ALG14: variants seen among roughly 807,000 people sequenced by gnomAD.
ALG14 encodes UDP-N-acetylglucosamine transferase subunit ALG14.
A neutral mutation model predicts 22.8 loss-of-function variants in ALG14; 17 were observed. That is an observed-to-expected ratio of 0.75 (90% CI 0.51 to 1.12). The LOEUF is 1.12. ALG14 is among the 50% of genes most tolerant of loss of function. The pLI is 0.00. For synonymous variants in ALG14, 89 were observed against 103.7 expected (o/e 0.86, Z 0.86); for missense variants, 288 against 271.8 (o/e 1.06, Z -0.42).
intron 2 of ALG14, among the ~76,000 whole-genome samples, chr1:95,038,007 T>C (rs945747470): frequency 2.0e-5 from 3 of 152,142 alleles, no homozygotes; most frequent in African/African-American, 7.2e-5. Flanking sequence ...ATAACTATAA[T>C]ATGAGACAAT....
intron 3 of ALG14, among the ~76,000 whole-genome samples, chr1:94,998,253 T>C (rs1291980566): frequency 2.6e-5 from 4 of 152,214 alleles, no homozygotes; most frequent in Non-Finnish European, 5.9e-5. Context: ...GTAAGTGCCA[T>C]GTAGCCTTCT....
intron 3 of ALG14, among the ~76,000 whole-genome samples, chr1:95,023,792 C>G (rs921706545): frequency 1.4e-4 from 22 of 152,086 alleles, no homozygotes; most frequent in African/African-American, 5.3e-4. Context: ...CTTTGGAAAC[C>G]CTCCTGGTTT....
chr1:95,009,053 C>A (rs1673292923), intron 3 of ALG14, among the ~76,000 whole-genome samples: 1 of 152,038 alleles, frequency 6.6e-6, no homozygotes, highest in Admixed American at 6.6e-5. Flanking sequence ...TGTTTCTCCA[C>A]ATCTGTTGAT....
At chr1:95,026,349 A>G (rs1050065919) in intron 3 of ALG14, among the ~76,000 whole-genome samples, 1 of 152,316 alleles carries the variant, frequency 6.6e-6, no homozygotes, top group African/African-American at 2.4e-5. Context: ...GTGATTTAAA[A>G]TGTGAAACAT....
At chr1:95,045,020 A>C (rs1303048379) in intron 2 of ALG14, among the ~76,000 whole-genome samples, 1 of 152,050 alleles carries the variant, frequency 6.6e-6, no homozygotes, top group Non-Finnish European at 1.5e-5. Flanking sequence ...AGATTTCACT[A>C]TTGGGCCCAT....
intron 2 of ALG14, among the ~76,000 whole-genome samples, chr1:95,032,188 AT>A (rs1435526438): frequency 5.3e-5 from 8 of 151,890 alleles, no homozygotes; most frequent in Non-Finnish European, 8.8e-5. Context: ...AAAAAAAAAA[AT>A]TTTATTGAAT....
chr1:95,037,800 T>C (rs1028901252), intron 2 of ALG14, among the ~76,000 whole-genome samples: 2 of 152,186 alleles, frequency 1.3e-5, no homozygotes, highest in Non-Finnish European at 2.9e-5. Context: ...TATGAAACAA[T>C]TGTTTACGAC....
intron 3 of ALG14, among the ~76,000 whole-genome samples, chr1:95,019,451 A>G (rs145372688): frequency 1.3e-5 from 2 of 152,296 alleles, no homozygotes; most frequent in East Asian, 3.9e-4. Flanking sequence ...AAGCCATAAT[A>G]GTATTTGAAA....
chr1:94,987,955 A>G (rs1423314387), intron 3 of ALG14, among the ~76,000 whole-genome samples: 1 of 152,218 alleles, frequency 6.6e-6, no homozygotes, highest in Non-Finnish European at 1.5e-5. Context: ...AGACTTTCTG[A>G]TAGCCTCTTG....
At chr1:95,015,207 C>T (rs1452767075) in intron 3 of ALG14, among the ~76,000 whole-genome samples, 2 of 152,090 alleles carry the variant, frequency 1.3e-5, no homozygotes, top group Admixed American at 6.5e-5. Context: ...GATATTTAAC[C>T]GAGAGAGATG....
chr1:95,042,732 T>C (rs1199111342), intron 2 of ALG14, among the ~76,000 whole-genome samples: 3 of 152,256 alleles, frequency 2.0e-5, no homozygotes, highest in Non-Finnish European at 2.9e-5. Flanking sequence ...TCATCGTTAG[T>C]TCTGAAACTG....
At chr1:95,071,447 G>A (rs1675562009) in intron 1 of ALG14, among the ~76,000 whole-genome samples, 1 of 152,150 alleles carries the variant, frequency 6.6e-6, no homozygotes, top group Admixed American at 6.5e-5. Context: ...GGGAGGCTGA[G>A]GCAGGAGAAT....
intron 2 of ALG14, among the ~76,000 whole-genome samples, chr1:95,031,983 A>C (rs1674023879): frequency 6.6e-6 from 1 of 151,934 alleles, no homozygotes; most frequent in East Asian, 1.9e-4. Context: ...TAATTTTTGC[A>C]TTTTTAGTAG....
rs568009592 is a variant in ALG14, at chr1:95,005,699, C to T, written c.420+21430G>A. Among the ~76,000 whole-genome samples the T allele has an allele frequency of 8.5e-5, 13 of 152,198 alleles. 1 individual carries two copies. The highest frequency in any genetic ancestry group is 3.1e-4 in the African/African-American group (13 of 41,520). ...TTAAAAGAGGAACAAAACTGGACCC[C>T]GTCCTCCTAGAGTTCACTGTATAGT... is the stretch of plus-strand genomic sequence containing the variant. On this transcript the variant is annotated intron_variant, in intron 3 of 3. Transcript: ENST00000370205.
chr1:94,995,419 C>T (rs913865010), intron 3 of ALG14, among the ~76,000 whole-genome samples: 16 of 152,088 alleles, frequency 1.1e-4, no homozygotes, highest in African/African-American at 3.6e-4. Flanking sequence ...GCTTAAAGAA[C>T]GTGGTATTTT....
intron 2 of ALG14, among the ~76,000 whole-genome samples, chr1:95,056,118 T>G (rs983809977): frequency 6.6e-6 from 1 of 150,744 alleles, no homozygotes; most frequent in Admixed American, 6.6e-5. Context: ...GTTAACAGAA[T>G]AGAGAGCTAG....
chr1:95,064,897 A>C lies in ALG14; in HGVS notation c.257T>G (p.Leu86Arg). The change falls in exon 2 of 4, where the codon CTA becomes CGA. Residue 86 changes from leucine to arginine, a missense_variant. Transcript: ENST00000370205. ...ACTAGGGTCTCTATCAGCTCGATCT[A>C]GTTCAAAAGAATTTATTTTATTGGC... ...MSANKINSFE[L>R]DRADRDPSNM... 1 of 1,613,982 alleles carries C rather than the reference A, an allele frequency of 6.2e-7. No homozygotes were observed. The highest frequency in any genetic ancestry group is 1.1e-5 in the South Asian group (1 of 91,056).
chr1:95,039,858 C>T (rs1334310991), intron 2 of ALG14, among the ~76,000 whole-genome samples: 1 of 152,050 alleles, frequency 6.6e-6, no homozygotes, highest in Non-Finnish European at 1.5e-5. Context: ...TTGACGTTGA[C>T]AAGTCAGACT....
chr1:94,978,889 G>A lies in ALG14; in HGVS notation c.*4187C>T, dbSNP rs1348927630. The A allele has an allele frequency of 6.7e-6, 1 of 150,214 alleles. No individual in the cohort carries two copies. Among genetic ancestry groups the A allele is most frequent in the Non-Finnish European group, 1.5e-5 (1 of 67,836 alleles). 9.3% of individuals were successfully genotyped at this position (150,214 alleles called of 1,614,324 possible). A position where few individuals can be genotyped will look rare whatever the true frequency, so the allele number is the denominator to read the frequency against. On this transcript the variant is annotated 3_prime_UTR_variant, in exon 4 of 4. Coordinates refer to ENST00000370205, the MANE Select transcript of ALG14 (RefSeq NM_144988.4). ...TAACGTAGCTATTAAGGTAAGCCTG[G>A]CTGGAGCTAGAATGCCTTGGTTCAA...
Sources: gnomAD v4.1 joint callset for allele counts (sites outside exome capture counted in the v4.1 genomes callset) on GRCh38, gnomAD v4.1.1 for gene constraint, MANE v1.5 for transcripts, NCBI Gene and HGNC (gene_info 2026-07-23, HGNC 2026-07-21) for gene names.